The following ABCF2 variants were observed in gnomAD, a reference collection of about 807,000 sequenced individuals.
ABCF2 encodes ATP binding cassette subfamily F member 2, also known as ATP-binding cassette sub-family F member 2.
A neutral mutation model predicts 76.9 loss-of-function variants in ABCF2; 37 were observed. The observed-to-expected ratio is 0.48, with a 90% confidence interval of 0.37 to 0.63. The LOEUF is 0.63. Among genes scored for constraint, ABCF2 ranks in the 30% least tolerant of loss-of-function variants. The probability of loss-of-function intolerance (pLI) is 0.00; values close to 1 mark genes in which losing one functional copy is unlikely to be tolerated. For synonymous variants in ABCF2, 299 were observed against 283.7 expected, an observed-to-expected ratio of 1.05 and a Z score of -0.54; for missense variants, 524 against 782.1, an observed-to-expected ratio of 0.67 and a Z score of 3.94.
rs756440289 is a variant in ABCF2, at chr7:151,219,171, T to C, written c.922-12A>G. On this transcript the variant is annotated splice_polypyrimidine_tract_variant and intron_variant, in intron 7 of 14. Coordinates refer to ENST00000287844, the MANE Select transcript of ABCF2 (RefSeq NM_007189.3). ...TGATCATAATTACCCTGCATGGAAA[T>C]GTGCCAGGTAAGGCAGGCAGCTTTA... 3.1e-6 allele frequency: 5 copies of C among 1,612,576 alleles called. No homozygotes were observed. The South Asian group carries it at 4.4e-5, about 14-fold the overall frequency.
rs370024515 is a variant in ABCF2, at chr7:151,222,502, C to G, written c.818+19G>C. On this transcript the variant is annotated intron_variant, in intron 6 of 14. Coordinates refer to ENST00000287844, the MANE Select transcript of ABCF2 (RefSeq NM_007189.3). Reference sequence around the variant, plus strand: ...CCTTTGGGACCTGCCCGCTCACATCCCCCATTCCACCCTCTTACGTTTTTA... The same window carrying G: ...CCTTTGGGACCTGCCCGCTCACATCGCCCATTCCACCCTCTTACGTTTTTA... 11 of 1,604,416 alleles carry G rather than the reference C, an allele frequency of 6.9e-6. No individual in the cohort carries two copies. The African/African-American group carries it at 1.5e-4, about 21-fold the overall frequency.
At chr7:151,217,661 C>T (rs1802177343) in intron 11 of ABCF2, among the ~76,000 whole-genome samples, 1 of 151,918 alleles carries the variant, frequency 6.6e-6, no homozygotes, top group South Asian at 2.1e-4. Context: ...TTAGCTGTGG[C>T]GTGTGCCTGT....
At chr7:151,226,154 C>T (rs12532489) in intron 2 of ABCF2, 151 bp downstream of exon 2, 81,659 of 965,858 alleles carry the variant, frequency 0.085, 4,061 homozygotes, top group Admixed American at 0.13. Context: ...CAGGGTGGCA[C>T]GAATTCCAAC....
At chr7:151,218,501 C>A in intron 10 of ABCF2, 60 bp downstream of exon 10, 1 of 1,428,826 alleles carries the variant, frequency 7.0e-7, no homozygotes, top group Non-Finnish European at 9.8e-7. Context: ...GAGCAACTCC[C>A]ATGAGCTGCC....
At chr7:151,223,069 C>G (rs1802303967) in intron 5 of ABCF2, among the ~76,000 whole-genome samples, 1 of 152,160 alleles carries the variant, frequency 6.6e-6, no homozygotes, top group Admixed American at 6.5e-5. Flanking sequence ...TTTAAAAGCT[C>G]CTTGGGTGAA....
chr7:151,212,178 G>A lies in ABCF2; in HGVS notation c.*1876C>T. The A allele has an allele frequency of 1.0e-6, 1 of 985,410 alleles. No homozygotes were observed. The highest frequency in any genetic ancestry group is 1.7e-5 in the African/African-American group (1 of 57,344). The allele number at this position is 985,410 out of a possible 1,614,324, so 61.0% of individuals were successfully genotyped here. ...CAGTCCTGGCTGTATTATGAGTACT[G>A]AAAAATCATGGCTGTGTCTTCCCAT... On this transcript the variant is annotated 3_prime_UTR_variant, in exon 15 of 15. Coordinates refer to ENST00000287844, the MANE Select transcript of ABCF2 (RefSeq NM_007189.3).
At position 151,214,408 on chromosome 7, in the gene ABCF2, A is replaced by G. The variant is rs1479539681; in HGVS notation, c.1735-217T>C. On this transcript the variant is annotated intron_variant, in intron 14 of 14. Coordinates refer to ENST00000287844, the MANE Select transcript of ABCF2 (RefSeq NM_007189.3). This position sits in a 1 kb window ranked among gnomAD's most constrained non-coding sequence, Gnocchi z 4.9. ...AGCCAGGAACTGCTGTGTCACTCCT[A>G]TTGTCAGCTCCCTGGCAGGGCCTAG... is the stretch of plus-strand genomic sequence containing the variant. Among the ~76,000 whole-genome samples the G allele has an allele frequency of 6.6e-6, 1 of 152,050 alleles. No individual in the cohort carries two copies. Among genetic ancestry groups the G allele is most frequent in the Non-Finnish European group, 1.5e-5 (1 of 68,004 alleles).
At chr7:151,216,537 T>A (rs1802154415) in intron 11 of ABCF2, among the ~76,000 whole-genome samples, 1 of 152,202 alleles carries the variant, frequency 6.6e-6, no homozygotes, top group South Asian at 2.1e-4. Flanking sequence ...AAAGATTCTT[T>A]TCTTTAAGAG....
At chr7:151,222,890 G>A (rs1389823723) in intron 5 of ABCF2, among the ~76,000 whole-genome samples, 1 of 152,154 alleles carries the variant, frequency 6.6e-6, no homozygotes, top group African/African-American at 2.4e-5. Flanking sequence ...TGAGCCTTGT[G>A]CACTGAAGTT....
chr7:151,218,206 A>G lies in ABCF2; in HGVS notation c.1228-15T>C, dbSNP rs565479879. On this transcript the variant is annotated splice_polypyrimidine_tract_variant and intron_variant, in intron 10 of 14. Coordinates refer to ENST00000287844, the MANE Select transcript of ABCF2 (RefSeq NM_007189.3). ...TAGATGCAAGGCTGAGGTGGGGATGAGAGAGATGTGGACACAAGGCTAGAA... is the reference window on the plus strand; with the variant it reads ...TAGATGCAAGGCTGAGGTGGGGATGGGAGAGATGTGGACACAAGGCTAGAA... 6.4e-7 allele frequency: 1 copy of G among 1,560,490 alleles called. No individual in the cohort carries two copies. The highest frequency in any genetic ancestry group is 1.4e-5 in the African/African-American group (1 of 73,892).
Position 151,223,858 on chromosome 7 carries a change from A to C in ABCF2, c.551-9T>G. The C allele has an allele frequency of 6.2e-7, 1 of 1,607,150 alleles. No homozygotes were observed. The highest frequency in any genetic ancestry group is 8.5e-7 in the Non-Finnish European group (1 of 1,175,128). Reference sequence around the variant, plus strand: ...GAGCTTCTCACACTCCGCTGTGGACAGTGTATGGCCATGAGGCTCCTGGGG... The same window carrying C: ...GAGCTTCTCACACTCCGCTGTGGACCGTGTATGGCCATGAGGCTCCTGGGG... On this transcript the variant is annotated splice_polypyrimidine_tract_variant and intron_variant, in intron 4 of 14. Coordinates refer to ENST00000287844, the MANE Select transcript of ABCF2 (RefSeq NM_007189.3).
Position 151,222,538 on chromosome 7 carries a change from C to A in ABCF2, c.801G>T (p.Leu267Phe). The change falls in exon 6 of 15, where the codon TTG (leucine) becomes TTT (phenylalanine). Residue 267 changes from leucine (L) to phenylalanine (F), a missense_variant. Physicochemically the swap from Leu to Phe is conservative, Grantham distance 22. Around this residue, in one of 2 missense-constraint regions of ABCF2, gnomAD observed 330 missense variants for 433.6 expected, o/e 0.76. Transcript: ENST00000287844. ...CCTCTTACGTTTTTAGTTCTTCTTC[C>A]AACCACACGCAAGCATCTAGGTCCA... ...NHLDLDACVW[L>F]EEELKTFKRI... is the part of the protein sequence containing the mutation. The A allele has an allele frequency of 1.2e-6, 2 of 1,613,688 alleles. No homozygotes were observed. Among genetic ancestry groups the A allele is most frequent in the Middle Eastern group, 3.3e-4 (2 of 6,058 alleles).
intron 11 of ABCF2, among the ~76,000 whole-genome samples, chr7:151,216,576 G>C (rs1489877196): frequency 1.3e-5 from 2 of 152,206 alleles, no homozygotes; most frequent in Non-Finnish European, 1.5e-5. Flanking sequence ...CCAGGCTGGA[G>C]TGCAGTGGCG....
intron 2 of ABCF2, among the ~76,000 whole-genome samples, chr7:151,225,412 A>G (rs1802352841): frequency 6.6e-6 from 1 of 152,244 alleles, no homozygotes; most frequent in Non-Finnish European, 1.5e-5. Flanking sequence ...GCACTCAAAG[A>G]TGAAACAATT....
intron 7 of ABCF2, among the ~76,000 whole-genome samples, chr7:151,220,091 C>T (rs998098153): frequency 6.7e-6 from 1 of 149,904 alleles, no homozygotes; most frequent in African/African-American, 2.5e-5. Context: ...AGAGACAGAC[C>T]CCATCTCGAG....
chr7:151,219,274 G>T, intron 7 of ABCF2, 115 bp from the exon 8 acceptor site: 1 of 850,150 alleles, frequency 1.2e-6, no homozygotes, highest in Non-Finnish European at 2.0e-6. Context: ...TGGCTCTAAG[G>T]CTGTGCAGTA....
chr7:151,224,656 C>T, intron 3 of ABCF2, 120 bp downstream of exon 3: 2 of 890,800 alleles, frequency 2.2e-6, no homozygotes, highest in South Asian at 2.8e-5. Flanking sequence ...TGGACATAAT[C>T]TGGTCTCCCA....
In ABCF2 at chr7:151,226,476, G is replaced by A. The variant is rs1388812943; in HGVS notation, c.-18C>T. Reference sequence around the variant, plus strand: ...GAGGGCATGATGATGACCCACAGGGGTAGGTTACTGTTGTTTCAGGGAGCC... The same window carrying A: ...GAGGGCATGATGATGACCCACAGGGATAGGTTACTGTTGTTTCAGGGAGCC... On this transcript the variant is annotated 5_prime_UTR_variant, in exon 2 of 15. Coordinates refer to ENST00000287844, the MANE Select transcript of ABCF2 (RefSeq NM_007189.3). 2.5e-6 allele frequency: 4 copies of A among 1,609,616 alleles called. No individual in the cohort carries two copies. The highest frequency in any genetic ancestry group is 1.1e-5 in the South Asian group (1 of 90,588).
Position 151,214,018 on chromosome 7 carries a change from C to T in ABCF2, c.*36G>A. 1 of 1,609,190 alleles carries T rather than the reference C, an allele frequency of 6.2e-7. No individual in the cohort carries two copies. Among genetic ancestry groups the T allele is most frequent in the Non-Finnish European group, 8.5e-7 (1 of 1,178,234 alleles). On this transcript the variant is annotated 3_prime_UTR_variant, in exon 15 of 15. Transcript: ENST00000287844. This position sits in a 1 kb window ranked among gnomAD's most constrained non-coding sequence, Gnocchi z 4.9. ...GGTCAGGTTAGCAGCTGTTAGTTCC[C>T]AGATGGAGCTCCTGACCCGAACCCA...
Sources: allele counts gnomAD v4.1 joint callset (sites outside exome capture counted in the v4.1 genomes callset), GRCh38; gene constraint gnomAD v4.1.1; regional missense constraint gnomAD v4.1.1; non-coding constraint Gnocchi (gnomAD v3.1); transcripts MANE v1.5; gene names NCBI Gene and HGNC (gene_info 2026-07-23, HGNC 2026-07-21).